Variants in FOXJ3 observed in about 807,000 individuals in gnomAD.
FOXJ3 encodes the protein forkhead box J3, also known as forkhead box protein J3.
Under a neutral mutation model 76.1 loss-of-function variants are expected in FOXJ3, and 22 were observed. The observed-to-expected ratio is 0.29, with a 90% CI of 0.21 to 0.41. The LOEUF is 0.41. Among genes scored for constraint, FOXJ3 ranks in the 10% least tolerant of loss-of-function variants. The pLI is 1.00. For missense variants in FOXJ3, 613 were observed against 762.1 expected (o/e 0.80, Z 2.30); for synonymous variants, 269 against 261.2 (o/e 1.03, Z -0.29).
At chr1:42,324,148 A>ATATACAGTATATATACTGTATATATATAG (rs1557726210) in intron 1 of FOXJ3, among the ~76,000 whole-genome samples, 1 of 14,110 alleles carries the variant, frequency 7.1e-5, no homozygotes, top group South Asian at 2.2e-3. Context: ...TATATATACT[A>ATATACAGTATATATACTGTATATATATAG]TATATACACT....
rs1646847156 is a variant in FOXJ3, at chr1:42,205,686, T to C, written c.630+76A>G. 3.6e-6 allele frequency: 3 copies of C among 841,566 alleles called. No individual in the cohort carries two copies. In the African/African-American group the frequency reaches 5.1e-5, roughly 14 times the overall value. The allele number at this position is 841,566 out of a possible 1,614,324, so 52.1% of individuals were successfully genotyped here. ...AATCTTTAAACTGAACCATATAGGA[T>C]TCTATCATTATTACAAAGGCAAATT... On this transcript the variant is annotated intron_variant, in intron 6 of 12. Coordinates refer to ENST00000361346, the MANE Select transcript of FOXJ3 (RefSeq NM_014947.5).
At chr1:42,308,842 C>T (rs941845633) in intron 2 of FOXJ3, among the ~76,000 whole-genome samples, 1 of 151,920 alleles carries the variant, frequency 6.6e-6, no homozygotes, top group Admixed American at 6.6e-5. Flanking sequence ...CATATAAAGG[C>T]TTAACCCAAA....
intron 2 of FOXJ3, among the ~76,000 whole-genome samples, chr1:42,291,142 C>T (rs1570170851): frequency 6.6e-6 from 1 of 151,724 alleles, no homozygotes; most frequent in Admixed American, 6.6e-5. Context: ...AGGCATCAGA[C>T]AAGTCAGTGG....
At chr1:42,313,641 A>G (rs1386886126) in intron 1 of FOXJ3, among the ~76,000 whole-genome samples, 1 of 152,174 alleles carries the variant, frequency 6.6e-6, no homozygotes, top group Admixed American at 6.5e-5. Context: ...ACCAGGGTCC[A>G]GTGTGGACTG....
At position 42,199,140 on chromosome 1, in the gene FOXJ3, T is replaced by C. The variant is rs1027708091; in HGVS notation, c.721A>G (p.Asn241Asp). 6.2e-7 allele frequency: 1 copy of C among 1,613,534 alleles called. No individual in the cohort carries two copies. The highest frequency in any genetic ancestry group is 1.3e-5 in the African/African-American group (1 of 74,904). Residue 241 changes from asparagine to aspartate, a missense_variant, in exon 7 of 13, where the codon AAT becomes GAT. Asn to Asp is a conservative substitution (Grantham distance 23). Around this residue, in one of 3 missense-constraint regions of FOXJ3, gnomAD observed 526 missense variants for 601.4 expected, o/e 0.87. Coordinates refer to ENST00000361346, the MANE Select transcript of FOXJ3 (RefSeq NM_014947.5). ...SLSDQSLASVNLNSVGSVHSY... is the reference protein window; with the variant it reads ...SLSDQSLASVDLNSVGSVHSY... The stretch of plus-strand genomic sequence containing the variant: ...TGCACACTTCCAACACTGTTCAAAT[T>C]AACAGATGCCAAACTCTGGTCTGAG...
intron 8 of FOXJ3, among the ~76,000 whole-genome samples, chr1:42,194,148 G>A (rs1241797180): frequency 6.6e-6 from 1 of 152,222 alleles, no homozygotes; most frequent in Admixed American, 6.5e-5. Context: ...AACATGGGGT[G>A]TAAATAGTTA....
rs193250188 is a variant in FOXJ3 at position 42,298,880 on chromosome 1, G to A, written c.44+12170C>T. ...TATTTCAAAATTGTTTTCAATTTCC[G>A]CCTTAATTGCATGTTTACCCAAAGT... On this transcript the variant is annotated intron_variant, in intron 2 of 12. Coordinates refer to ENST00000361346, the MANE Select transcript of FOXJ3 (RefSeq NM_014947.5). 1.8e-4 allele frequency among the ~76,000 whole-genome samples: 28 copies of A among 152,092 alleles called. No homozygotes were observed. In the East Asian group the frequency reaches 3.5e-3, roughly 19 times the overall value.
At chr1:42,309,545 T>C (rs1176488522) in intron 2 of FOXJ3, among the ~76,000 whole-genome samples, 1 of 152,240 alleles carries the variant, frequency 6.6e-6, no homozygotes, top group African/African-American at 2.4e-5. Context: ...CAAATACTTA[T>C]ACTATTTTGT....
intron 3 of FOXJ3, among the ~76,000 whole-genome samples, chr1:42,270,468 C>T (rs897178886): frequency 9.9e-5 from 15 of 152,086 alleles, no homozygotes; most frequent in Non-Finnish European, 1.5e-4. Context: ...ATACCTAACA[C>T]CTATTTAGAA....
intron 11 of FOXJ3, among the ~76,000 whole-genome samples, chr1:42,186,838 G>A (rs746872852): frequency 2.6e-5 from 4 of 152,144 alleles, no homozygotes; most frequent in Non-Finnish European, 5.9e-5. Context: ...ACTGGCTTTT[G>A]AGATTGCCTT....
At chr1:42,316,349 T>TTTTTTTTTTTTTTTTC (rs1553169820) in intron 1 of FOXJ3, among the ~76,000 whole-genome samples, 41 of 135,198 alleles carry the variant, frequency 3.0e-4, no homozygotes, top group Non-Finnish European at 4.8e-4. Flanking sequence ...TTTTTTTTTT[T>TTTTTTTTTTTTTTTTC]CTGTAGAAAC....
chr1:42,223,114 G>A (rs1245739620), intron 5 of FOXJ3, among the ~76,000 whole-genome samples: 6 of 152,168 alleles, frequency 3.9e-5, no homozygotes, highest in African/African-American at 1.2e-4. Flanking sequence ...CTGGCACACA[G>A]TATCTACAGA....
At chr1:42,209,814 G>A (rs187575334) in intron 5 of FOXJ3, among the ~76,000 whole-genome samples, 6 of 152,328 alleles carry the variant, frequency 3.9e-5, no homozygotes, top group African/African-American at 7.2e-5. Context: ...CAGGTTGAGA[G>A]ACACTCCCAA....
In FOXJ3 at chr1:42,315,361, A is replaced by AT. The variant is rs575748276; in HGVS notation, c.-17-4252dup. ...TGATTTTTACCTGAATAAAAAGCTA[A>AT]TTTTTTTAAAGGTACTGTCTTGCTT... On this transcript the variant is annotated intron_variant, in intron 1 of 12. Transcript: ENST00000361346. The AT allele has an allele frequency of 3.8e-5, 36 of 951,368 alleles. No individual in the cohort carries two copies. In the East Asian group the frequency reaches 3.2e-3, roughly 85 times the overall value. 58.9% of individuals were successfully genotyped at this position (951,368 alleles called of 1,614,324 possible).
intron 5 of FOXJ3, among the ~76,000 whole-genome samples, chr1:42,223,270 T>C (rs973789984): frequency 6.6e-6 from 1 of 152,222 alleles, no homozygotes; most frequent in African/African-American, 2.4e-5. Context: ...CATCTGTATC[T>C]ACTCAGCATC....
intron 11 of FOXJ3, among the ~76,000 whole-genome samples, chr1:42,186,888 C>T (rs745934952): frequency 6.6e-6 from 1 of 152,116 alleles, no homozygotes; most frequent in African/African-American, 2.4e-5. Flanking sequence ...CCCTCTGTCA[C>T]CCAGGCTGGA....
chr1:42,315,304 G>T, intron 1 of FOXJ3: 1 of 442,388 alleles, frequency 2.3e-6, no homozygotes, highest in East Asian at 1.6e-4. Context: ...CTACTGAATT[G>T]TACACTTTAA....
intron 11 of FOXJ3, 78 bp from the exon 12 acceptor site, chr1:42,182,102 A>G: frequency 2.7e-6 from 2 of 754,002 alleles, no homozygotes; most frequent in Non-Finnish European, 4.4e-6. Context: ...TCTTAACAGA[A>G]TTGTTACTCT....
intron 7 of FOXJ3, among the ~76,000 whole-genome samples, chr1:42,198,511 G>A (rs1008924372): frequency 1.3e-5 from 2 of 152,168 alleles, no homozygotes; most frequent in African/African-American, 4.8e-5. Context: ...AGGAAGACCA[G>A]TTGCCAGGTA....
Sources: allele counts gnomAD v4.1 joint callset (sites outside exome capture counted in the v4.1 genomes callset), GRCh38; gene constraint gnomAD v4.1.1; regional missense constraint gnomAD v4.1.1; transcripts MANE v1.5; gene names NCBI Gene and HGNC (gene_info 2026-07-23, HGNC 2026-07-21).